The following NR2C2 variants were observed in gnomAD, a reference collection of about 807,000 sequenced individuals.
NR2C2 encodes Nuclear hormone receptor TR4.
NR2C2 carries 6 observed loss-of-function variants against 62.9 expected under a neutral mutation model. The observed-to-expected ratio is 0.10, with a 90% CI of 0.05 to 0.19. NR2C2 has a LOEUF of 0.19. Ranked by LOEUF, NR2C2 falls within the 10% of genes least tolerant of loss-of-function variation. The pLI, the probability that NR2C2 is intolerant of heterozygous loss-of-function variation, is 1.00. For missense variants in NR2C2, 479 were observed against 762.7 expected (o/e 0.63, Z 4.38); for synonymous variants, 272 against 273.8 (o/e 0.99, Z 0.07).
At chr3:14,979,191 T>G (rs1346952042) in intron 1 of NR2C2, among the ~76,000 whole-genome samples, 2 of 152,228 alleles carry the variant, frequency 1.3e-5, no homozygotes, top group Non-Finnish European at 2.9e-5. Flanking sequence ...GTTCCTTTAC[T>G]CATTGTTTAA....
chr3:14,990,716 C>T (rs2040646548), intron 1 of NR2C2, among the ~76,000 whole-genome samples: 1 of 152,198 alleles, frequency 6.6e-6, no homozygotes, highest in Admixed American at 6.5e-5. Flanking sequence ...GAAAACAAGA[C>T]TGCAGTATTG....
chr3:15,028,601 G>A lies in NR2C2; in HGVS notation c.814G>A (p.Gly272Arg). The change falls in exon 8 of 14, where the codon GGA (glycine) becomes AGA (arginine). Residue 272 changes from glycine to arginine, a missense_variant. By Grantham distance (125) the Gly-to-Arg change is moderately radical (BLOSUM62 -2). Around this residue, in one of 4 missense-constraint regions of NR2C2, gnomAD observed 151 missense variants for 176.1 expected, o/e 0.86. Transcript: ENST00000425241. ...ATDSKAETSQGALGTLANVVT... is the reference protein window; with the variant it reads ...ATDSKAETSQRALGTLANVVT... ...TGTTTAATAGGCTGAAACAAGCCAG[G>A]GAGCTCTGGGCACACTGGCAAATGT... 6.2e-7 allele frequency: 1 copy of A among 1,612,912 alleles called. No individual in the cohort carries two copies. Among genetic ancestry groups the A allele is most frequent in the Non-Finnish European group, 8.5e-7 (1 of 1,179,066 alleles).
intron 1 of NR2C2, among the ~76,000 whole-genome samples, chr3:14,986,079 A>G (rs543075232): frequency 9.2e-5 from 14 of 152,254 alleles, no homozygotes; most frequent in East Asian, 1.9e-4. Flanking sequence ...GGGGTTTCCA[A>G]TTCCTTCAGA....
chr3:15,000,449 G>C (rs79600590), intron 1 of NR2C2, among the ~76,000 whole-genome samples: 1 of 152,064 alleles, frequency 6.6e-6, no homozygotes, highest in African/African-American at 2.4e-5. Context: ...ATGTAACTTG[G>C]CTATTGCAAA....
At chr3:15,030,549 C>T (rs2041955236) in intron 9 of NR2C2, 97 bp downstream of exon 9, 2 of 1,275,916 alleles carry the variant, frequency 1.6e-6, no homozygotes, top group Non-Finnish European at 2.1e-6. Flanking sequence ...ACCTTGGGGC[C>T]AGGCATAGTG....
intron 1 of NR2C2, among the ~76,000 whole-genome samples, chr3:14,990,733 A>G (rs969824544): frequency 2.0e-5 from 3 of 152,226 alleles, no homozygotes; most frequent in East Asian, 1.9e-4. Context: ...ATTGAAGTCT[A>G]TTCTCTTTCC....
intron 13 of NR2C2, among the ~76,000 whole-genome samples, chr3:15,039,701 A>G (rs2042200401): frequency 1.3e-5 from 2 of 152,238 alleles, no homozygotes; most frequent in Admixed American, 1.3e-4. Context: ...GCTTATTGAC[A>G]GAAAATTCTT....
At chr3:15,029,336 A>G (rs984932224) in intron 8 of NR2C2, among the ~76,000 whole-genome samples, 14 of 152,176 alleles carry the variant, frequency 9.2e-5, no homozygotes, top group African/African-American at 3.4e-4. Context: ...TAGTGATAGT[A>G]TGAGCTAATG....
At chr3:15,008,764 C>G (rs1275590850) in intron 2 of NR2C2, among the ~76,000 whole-genome samples, 1 of 152,074 alleles carries the variant, frequency 6.6e-6, no homozygotes, top group Non-Finnish European at 1.5e-5. Context: ...GATGTGTGTT[C>G]CTGAAAATTC....
intron 1 of NR2C2, among the ~76,000 whole-genome samples, chr3:14,989,188 T>A (rs1471108033): frequency 2.6e-5 from 4 of 152,184 alleles, no homozygotes; most frequent in Non-Finnish European, 5.9e-5. Flanking sequence ...TCACCACTAA[T>A]GCACTGTGAC....
intron 9 of NR2C2, among the ~76,000 whole-genome samples, chr3:15,031,098 A>G (rs2041967915): frequency 1.3e-5 from 2 of 152,102 alleles, no homozygotes; most frequent in African/African-American, 2.4e-5. Flanking sequence ...TGGCTGCCCC[A>G]TGGGCTCAGG....
At chr3:15,018,553 A>G (rs565479134) in intron 4 of NR2C2, among the ~76,000 whole-genome samples, 6 of 152,332 alleles carry the variant, frequency 3.9e-5, no homozygotes, top group African/African-American at 1.2e-4. Flanking sequence ...CACATGAGGT[A>G]TCACCTCCAG....
At chr3:14,975,567 C>G (rs2040180714) in intron 1 of NR2C2, among the ~76,000 whole-genome samples, 1 of 152,206 alleles carries the variant, frequency 6.6e-6, no homozygotes, top group African/African-American at 2.4e-5. Flanking sequence ...GGACAAACCT[C>G]TCTTGGTAAT....
intron 1 of NR2C2, among the ~76,000 whole-genome samples, chr3:15,003,016 G>A (rs1013827842): frequency 1.3e-5 from 2 of 148,910 alleles, no homozygotes; most frequent in African/African-American, 5.0e-5. Flanking sequence ...CACAATCTCC[G>A]CTTACTGCAG....
chr3:15,029,658 A>G (rs139903397), intron 8 of NR2C2, among the ~76,000 whole-genome samples: 40 of 152,310 alleles, frequency 2.6e-4, no homozygotes, highest in African/African-American at 8.4e-4. Context: ...GGTACTTGTG[A>G]AAAATAGAAA....
At chr3:14,956,255 T>C (rs940955142) in intron 1 of NR2C2, among the ~76,000 whole-genome samples, 4 of 152,218 alleles carry the variant, frequency 2.6e-5, no homozygotes, top group African/African-American at 9.6e-5. Flanking sequence ...AGTTTCAAGC[T>C]ATGTATTTCT....
intron 1 of NR2C2, among the ~76,000 whole-genome samples, chr3:14,950,755 C>A (rs1414705167): frequency 6.6e-6 from 1 of 152,152 alleles, no homozygotes; most frequent in Non-Finnish European, 1.5e-5. Flanking sequence ...CATTACTTAT[C>A]CAGCACTTAG....
rs1423043983 is a variant in NR2C2 at position 15,047,002 on chromosome 3, C to T, written c.*3994C>T. 1.3e-5 allele frequency: 2 copies of T among 152,698 alleles called. No individual in the cohort carries two copies. Among genetic ancestry groups the T allele is most frequent in the African/African-American group, 4.8e-5 (2 of 41,452 alleles). 9.5% of individuals were successfully genotyped at this position (152,698 alleles called of 1,614,324 possible). A position where few individuals can be genotyped will look rare whatever the true frequency, so the allele number is the denominator to read the frequency against. On this transcript the variant is annotated 3_prime_UTR_variant, in exon 14 of 14. Coordinates refer to ENST00000425241, the MANE Select transcript of NR2C2 (RefSeq NM_001291694.2). ...GCACTTCGTATGTCCAGCCCTGGGT[C>T]CCTTCAGCAGCATTGTGCGTGTACA...
intron 1 of NR2C2, among the ~76,000 whole-genome samples, chr3:15,001,080 C>A (rs1469507751): frequency 1.3e-5 from 2 of 152,064 alleles, no homozygotes. Flanking sequence ...TCCCAAAGTG[C>A]TGGGATTACA....
Sources: gnomAD v4.1 joint callset for allele counts (sites outside exome capture counted in the v4.1 genomes callset) on GRCh38, gnomAD v4.1.1 for gene constraint, gnomAD v4.1.1 regional missense constraint, MANE v1.5 for transcripts, NCBI Gene and HGNC (gene_info 2026-07-23, HGNC 2026-07-21) for gene names.